RFX2: variants seen among roughly 807,000 people sequenced by gnomAD.
The protein encoded by RFX2 is regulatory factor X2.
A neutral mutation model predicts 87.8 loss-of-function variants in RFX2; 20 were observed. The observed-to-expected ratio is 0.23, with a 90% CI of 0.16 to 0.33. The LOEUF (loss-of-function observed/expected upper bound fraction) is 0.33, where lower values mean the gene tolerates loss of function less well. RFX2 is among the 10% of genes least tolerant of loss of function. The pLI is 1.00. For synonymous variants in RFX2, 397 were observed against 431.3 expected (o/e 0.92, Z 0.98); for missense variants, 767 against 1,012.3 (o/e 0.76, Z 3.29).
At chr19:6,093,038 G>A (rs2087963831) in intron 1 of RFX2, among the ~76,000 whole-genome samples, 1 of 152,168 alleles carries the variant, frequency 6.6e-6, no homozygotes. Flanking sequence ...GAGGACAAAA[G>A]TGGAAAGTCA....
intron 6 of RFX2, among the ~76,000 whole-genome samples, chr19:6,019,059 C>T (rs917474974): frequency 2.0e-5 from 3 of 151,986 alleles, no homozygotes; most frequent in Non-Finnish European, 4.4e-5. Context: ...TGTCCCCCAC[C>T]CCCCCGCCAT....
At position 6,047,302 on chromosome 19, in the gene RFX2, A is replaced by T; in HGVS notation, c.90+105T>A. ...AGCACTGGGACTGAGAAGTCCATTC[A>T]GAAAAATACAGATTCCTCTCTTTGC... is the stretch of plus-strand genomic sequence containing the variant. On this transcript the variant is annotated intron_variant, in intron 2 of 17. Coordinates refer to ENST00000303657, the MANE Select transcript of RFX2 (RefSeq NM_000635.4). This position sits in a 1 kb window ranked among gnomAD's most constrained non-coding sequence, Gnocchi z 4.2. 1.1e-6 allele frequency: 1 copy of T among 886,916 alleles called. No individual in the cohort carries two copies. The highest frequency in any genetic ancestry group is 1.7e-6 in the Non-Finnish European group (1 of 592,694). 54.9% of individuals were successfully genotyped at this position (886,916 alleles called of 1,614,324 possible).
Position 5,997,228 on chromosome 19 carries a change from A to T in RFX2, c.1860-15T>A. ...TCACCATGGAGCTGGGGACAAGCGG[A>T]CAGAGGCTGGGGACCCTCAGGGGAG... is the stretch of plus-strand genomic sequence containing the variant. On this transcript the variant is annotated splice_polypyrimidine_tract_variant and intron_variant, in intron 15 of 17. Transcript: ENST00000303657. The surrounding 1 kb of genome is among the most constrained non-coding windows in gnomAD (Gnocchi z 4.2). 6.2e-7 allele frequency: 1 copy of T among 1,605,762 alleles called. No homozygotes were observed. Among genetic ancestry groups the T allele is most frequent in the Non-Finnish European group, 8.5e-7 (1 of 1,178,582 alleles).
chr19:6,034,702 G>A lies in RFX2; in HGVS notation c.522+5278C>T, dbSNP rs558265896. ...ATCTTCACTGAAGAGCCAGGCTACAGAAGAAGAGATGTGTGTGACTCCTGA... is the reference window on the plus strand; with the variant it reads ...ATCTTCACTGAAGAGCCAGGCTACAAAAGAAGAGATGTGTGTGACTCCTGA... On this transcript the variant is annotated intron_variant, in intron 5 of 17. Coordinates refer to ENST00000303657, the MANE Select transcript of RFX2 (RefSeq NM_000635.4). 2.0e-5 allele frequency among the ~76,000 whole-genome samples: 3 copies of A among 152,302 alleles called. No individual in the cohort carries two copies. In the South Asian group the frequency reaches 6.2e-4, roughly 32 times the overall value.
chr19:6,029,660 A>T (rs1422645063), intron 5 of RFX2, among the ~76,000 whole-genome samples: 1 of 152,200 alleles, frequency 6.6e-6, no homozygotes, highest in African/African-American at 2.4e-5. Flanking sequence ...GTGAACTGAG[A>T]TCACGCCACT....
At chr19:6,042,642 C>T (rs750851545) in intron 3 of RFX2, among the ~76,000 whole-genome samples, 6 of 152,204 alleles carry the variant, frequency 3.9e-5, no homozygotes, top group Non-Finnish European at 8.8e-5. Flanking sequence ...CCCTGGTGCC[C>T]CTTCCCTGGC....
At position 6,074,290 on chromosome 19, in the gene RFX2, A is replaced by T. The variant is rs1359926551; in HGVS notation, c.-8-26786T>A. On this transcript the variant is annotated intron_variant, in intron 1 of 17. Transcript: ENST00000303657. This position sits in a 1 kb window ranked among gnomAD's most constrained non-coding sequence, Gnocchi z 5.2. The stretch of plus-strand genomic sequence containing the variant: ...GGTACAGATGCCACAGTGTGGAGGA[A>T]GCTCCTCCTCTCATCCCAAGCTAGC... Among the ~76,000 whole-genome samples, 1 of 152,168 alleles carries T rather than the reference A, an allele frequency of 6.6e-6. No individual in the cohort carries two copies. Among genetic ancestry groups the T allele is most frequent in the Middle Eastern group, 3.2e-3 (1 of 316 alleles).
At position 6,044,261 on chromosome 19, in the gene RFX2, TG is replaced by T; in HGVS notation, c.111del (p.Ser38AlafsTer80). The part of the protein sequence containing the change: ...ASPQRVLVQA[A>X]SSNPKGAQMQ... The stretch of plus-strand genomic sequence containing the variant: ...ATCTGGGCCCCTTTGGGATTGGAGC[TG>T]GCTGCCTGGACCAACACCCTCTAAA... On this transcript the variant is annotated frameshift_variant, in exon 3 of 18. Coordinates refer to ENST00000303657, the MANE Select transcript of RFX2 (RefSeq NM_000635.4). LOFTEE classifies it high-confidence loss of function. This position sits in a 1 kb window ranked among gnomAD's most constrained non-coding sequence, Gnocchi z 5.3. The T allele has an allele frequency of 6.4e-7, 1 of 1,568,252 alleles. No individual in the cohort carries two copies. The highest frequency in any genetic ancestry group is 8.6e-7 in the Non-Finnish European group (1 of 1,156,914).
intron 1 of RFX2, among the ~76,000 whole-genome samples, chr19:6,089,763 ATAT>A (rs1284733675): frequency 6.6e-6 from 1 of 152,116 alleles, no homozygotes; most frequent in African/African-American, 2.4e-5. Flanking sequence ...CCAGTCTCTA[ATAT>A]TTTTGTTGTA....
chr19:6,029,664 C>T (rs1023055244), intron 5 of RFX2, among the ~76,000 whole-genome samples: 85 of 152,186 alleles, frequency 5.6e-4, no homozygotes, highest in African/African-American at 1.8e-3. Flanking sequence ...ACTGAGATCA[C>T]GCCACTGCAC....
At chr19:6,065,279 T>C (rs1376700611) in intron 1 of RFX2, among the ~76,000 whole-genome samples, 2 of 152,186 alleles carry the variant, frequency 1.3e-5, no homozygotes, top group African/African-American at 4.8e-5. Flanking sequence ...TTCATTTTCA[T>C]TCCAACAACA....
At chr19:6,049,534 TATTA>T (rs949649544) in intron 1 of RFX2, among the ~76,000 whole-genome samples, 3 of 152,210 alleles carry the variant, frequency 2.0e-5, no homozygotes, top group African/African-American at 7.2e-5. Flanking sequence ...AATTTATTTT[TATTA>T]ATTATTATTA....
rs564950587 is a variant in RFX2 at position 5,999,022 on chromosome 19, G to T, written c.1860-1809C>A. 2.0e-5 allele frequency among the ~76,000 whole-genome samples: 3 copies of T among 152,364 alleles called. No individual in the cohort carries two copies. The East Asian group carries it at 5.8e-4, about 29-fold the overall frequency. ...TGGAATCGCAGCACTTTGGGAGGCT[G>T]AGGCAGGTGGATCACCTGAGGTCAG... On this transcript the variant is annotated intron_variant, in intron 15 of 17. Transcript: ENST00000303657. This position sits in a 1 kb window ranked among gnomAD's most constrained non-coding sequence, Gnocchi z 4.1.
intron 1 of RFX2, among the ~76,000 whole-genome samples, chr19:6,070,152 T>G (rs1189338902): frequency 1.1e-3 from 35 of 30,976 alleles, no homozygotes; most frequent in Non-Finnish European, 1.4e-3. Flanking sequence ...GGATGGGATG[T>G]GGATGGGATG....
chr19:6,092,599 C>A (rs1006755838), intron 1 of RFX2, among the ~76,000 whole-genome samples: 3 of 152,116 alleles, frequency 2.0e-5, no homozygotes, highest in African/African-American at 7.2e-5. Context: ...AGCAGCCAGG[C>A]CTCCCCAAGA....
chr19:6,106,882 A>T (rs921931895), intron 1 of RFX2, among the ~76,000 whole-genome samples: 10 of 148,668 alleles, frequency 6.7e-5, no homozygotes, highest in Non-Finnish European at 1.3e-4. Context: ...TATATATTTT[A>T]AAAATATTTA....
At chr19:6,088,310 C>T (rs2087885907) in intron 1 of RFX2, among the ~76,000 whole-genome samples, 1 of 151,204 alleles carries the variant, frequency 6.6e-6, no homozygotes, top group Non-Finnish European at 1.5e-5. Context: ...ACCTCCGCCT[C>T]CCGCGATTCT....
In RFX2 at chr19:6,007,667, C is replaced by G. The variant is rs372089672; in HGVS notation, c.1247+23G>C. On this transcript the variant is annotated intron_variant, in intron 11 of 17. Coordinates refer to ENST00000303657, the MANE Select transcript of RFX2 (RefSeq NM_000635.4). This position sits in a 1 kb window ranked among gnomAD's most constrained non-coding sequence, Gnocchi z 8.2. ...GGGTTAAGTCTGGGGTGGCTGTGAA[C>G]CCAGCCAGGGTGTGGCAGTCACCTG... is the stretch of plus-strand genomic sequence containing the variant. 1 of 1,460,538 alleles carries G rather than the reference C, an allele frequency of 6.8e-7. No homozygotes were observed. The highest frequency in any genetic ancestry group is 1.4e-5 in the African/African-American group (1 of 71,180). The allele number at this position is 1,460,538 out of a possible 1,614,324, so 90.5% of individuals were successfully genotyped here. A position where few individuals can be genotyped will look rare whatever the true frequency, so the allele number is the denominator to read the frequency against.
Position 6,007,075 on chromosome 19 carries a change from C to T in RFX2, c.1339G>A (p.Asp447Asn). The T allele has an allele frequency of 1.2e-6, 2 of 1,614,118 alleles. No homozygotes were observed. The highest frequency in any genetic ancestry group is 1.7e-6 in the Non-Finnish European group (2 of 1,180,002). Residue 447 changes from aspartate (D) to asparagine (N), a missense_variant, in exon 12 of 18, where the codon GAC becomes AAC. Transcript: ENST00000303657. The surrounding 1 kb of genome is among the most constrained non-coding windows in gnomAD (Gnocchi z 8.2). Reference sequence around the variant, plus strand: ...ACCAGCGCCTGGTAGAGGATGTGGTCGCAGCTCCTCATCCACCTGAGGATG... The same window carrying T: ...ACCAGCGCCTGGTAGAGGATGTGGTTGCAGCTCCTCATCCACCTGAGGATG... ...DPILRWMRSC[D>N]HILYQALVEI...
Sources: gnomAD v4.1 joint callset for allele counts (sites outside exome capture counted in the v4.1 genomes callset) on GRCh38, gnomAD v4.1.1 for gene constraint, Gnocchi (gnomAD v3.1) non-coding constraint, MANE v1.5 for transcripts, NCBI Gene and HGNC (gene_info 2026-07-23, HGNC 2026-07-21) for gene names.